Variants in DCP1B observed in about 807,000 individuals in gnomAD.
DCP1B encodes the protein decapping mRNA 1B.
DCP1B carries 47 observed loss-of-function variants against 60.5 expected under a neutral mutation model. The observed-to-expected ratio is 0.78, with a 90% confidence interval of 0.61 to 0.99. The LOEUF is 0.99. Ranked by LOEUF, DCP1B falls within the 50% of genes least tolerant of loss-of-function variation. The probability of loss-of-function intolerance (pLI) is 0.00; values close to 1 mark genes in which losing one functional copy is unlikely to be tolerated. For missense variants in DCP1B, 725 were observed against 756.8 expected (o/e 0.96, Z 0.49); for synonymous variants, 267 against 280.3 (o/e 0.95, Z 0.47).
At chr12:1,950,531 G>A (rs2030628928) in intron 7 of DCP1B, among the ~76,000 whole-genome samples, 1 of 152,200 alleles carries the variant, frequency 6.6e-6, no homozygotes, top group Non-Finnish European at 1.5e-5. Context: ...TATAAATATT[G>A]TTTCTATAGC....
intron 8 of DCP1B, 84 bp downstream of exon 8, chr12:1,949,002 C>A: frequency 6.5e-7 from 1 of 1,543,202 alleles, no homozygotes. Flanking sequence ...CTAAGCAGGC[C>A]TTGGCTGAGT....
At chr12:1,953,335 T>A in intron 6 of DCP1B, 47 bp from the exon 7 acceptor site, 1 of 1,510,920 alleles carries the variant, frequency 6.6e-7, no homozygotes, top group Non-Finnish European at 8.8e-7. Flanking sequence ...ACAATTTGGT[T>A]ATATGAGGAA....
chr12:1,946,688 G>GT (rs1028839398), intron 8 of DCP1B, among the ~76,000 whole-genome samples: 1 of 152,140 alleles, frequency 6.6e-6, no homozygotes, highest in African/African-American at 2.4e-5. Context: ...GCTGTGGTGT[G>GT]TTTTTTTGTT....
intron 5 of DCP1B, among the ~76,000 whole-genome samples, chr12:1,958,651 C>T (rs918016727): frequency 3.4e-5 from 5 of 147,254 alleles, no homozygotes; most frequent in Non-Finnish European, 6.0e-5. Context: ...AGCTCCCCAA[C>T]GTCGCTCTGG....
chr12:1,991,022 A>G lies in DCP1B; in HGVS notation c.319+2242T>C, dbSNP rs2039267318. ...AAGGCAAAATGAATCCAGAAAAGTA[A>G]ATAGATCCATTCCCTTTCACTCTTT... On this transcript the variant is annotated intron_variant, in intron 3 of 8. Transcript: ENST00000280665. The G allele has an allele frequency of 9.4e-6, 4 of 424,458 alleles. No individual in the cohort carries two copies. The Admixed American group carries it at 1.2e-4, about 12-fold the overall frequency. 26.3% of individuals were successfully genotyped at this position (424,458 alleles called of 1,614,324 possible). A position where few individuals can be genotyped will look rare whatever the true frequency, so the allele number is the denominator to read the frequency against.
In DCP1B at chr12:1,958,220, C is replaced by G. The variant is rs529995470; in HGVS notation, c.523-2660G>C. Among the ~76,000 whole-genome samples, 3 of 149,090 alleles carry G rather than the reference C, an allele frequency of 2.0e-5. No individual in the cohort carries two copies. In the South Asian group the frequency reaches 6.5e-4, roughly 32 times the overall value. On this transcript the variant is annotated intron_variant, in intron 5 of 8. Transcript: ENST00000280665. ...ACGTTGCTCTGGGCAATGACTTTTT[C>G]TATAAACCTCCTGGAAGGAAACAGG... is the stretch of plus-strand genomic sequence containing the variant.
intron 2 of DCP1B, among the ~76,000 whole-genome samples, chr12:1,996,754 C>T (rs913913337): frequency 6.7e-6 from 1 of 149,374 alleles, no homozygotes; most frequent in African/African-American, 2.5e-5. Context: ...GTGGGTTGGA[C>T]AAGCTTGCGA....
At chr12:1,950,510 G>A in intron 7 of DCP1B, 1 of 668,110 alleles carries the variant, frequency 1.5e-6, no homozygotes. Flanking sequence ...GAAATGAGGG[G>A]GAGTGGGAGT....
chr12:1,998,094 C>T, intron 1 of DCP1B, 119 bp from the exon 2 acceptor site: 7 of 755,984 alleles, frequency 9.3e-6, no homozygotes, highest in Non-Finnish European at 1.4e-5. Flanking sequence ...ATATACCCAA[C>T]ATGAGGAGTT....
chr12:1,998,060 T>C, intron 1 of DCP1B, 85 bp from the exon 2 acceptor site: 1 of 1,278,018 alleles, frequency 7.8e-7, no homozygotes. Flanking sequence ...AGAATAGGAA[T>C]TATATATAAC....
At chr12:1,985,884 C>G (rs1443761679) in intron 3 of DCP1B, among the ~76,000 whole-genome samples, 4 of 152,118 alleles carry the variant, frequency 2.6e-5, no homozygotes, top group Non-Finnish European at 5.9e-5. Context: ...GATCTTGGCT[C>G]ACTGCAAGCT....
At chr12:1,950,055 C>A (rs2030604508) in intron 7 of DCP1B, 1 of 462,010 alleles carries the variant, frequency 2.2e-6, no homozygotes, top group African/African-American at 1.9e-5. Context: ...CTGACTCCTA[C>A]AGCTATCATT....
At chr12:1,964,343 C>G (rs963118380) in intron 5 of DCP1B, among the ~76,000 whole-genome samples, 1 of 152,034 alleles carries the variant, frequency 6.6e-6, no homozygotes, top group African/African-American at 2.4e-5. Flanking sequence ...CATAAAATAA[C>G]CTTCCTGTCA....
Position 1,962,131 on chromosome 12 carries a change from A to C in DCP1B, c.522+3427T>G, listed in dbSNP as rs2031148101. On this transcript the variant is annotated intron_variant, in intron 5 of 8. Transcript: ENST00000280665. This position sits in a 1 kb window ranked among gnomAD's most constrained non-coding sequence, Gnocchi z 4.4. Reference sequence around the variant, plus strand: ...AAGGCAGGGCATGGTAAACAGGTTAAGATTGGCCAGTTTGAATAACTCCAG... The same window carrying C: ...AAGGCAGGGCATGGTAAACAGGTTACGATTGGCCAGTTTGAATAACTCCAG... Among the ~76,000 whole-genome samples, 1 of 152,214 alleles carries C rather than the reference A, an allele frequency of 6.6e-6. No homozygotes were observed. The highest frequency in any genetic ancestry group is 2.1e-4 in the South Asian group (1 of 4,828).
At chr12:1,983,995 T>C (rs1407068942) in intron 3 of DCP1B, among the ~76,000 whole-genome samples, 3 of 152,092 alleles carry the variant, frequency 2.0e-5, no homozygotes, top group East Asian at 3.8e-4. Context: ...TTTTTATCCC[T>C]GGTAATTTTC....
intron 1 of DCP1B, among the ~76,000 whole-genome samples, chr12:2,001,052 A>G (rs77325964): frequency 3.3e-5 from 5 of 151,772 alleles, no homozygotes; most frequent in South Asian, 2.1e-4. Context: ...AAAAAAAAAA[A>G]AGAGAGATAA....
intron 5 of DCP1B, among the ~76,000 whole-genome samples, chr12:1,965,306 G>T (rs1052119793): frequency 6.6e-6 from 1 of 152,082 alleles, no homozygotes; most frequent in Non-Finnish European, 1.5e-5. Flanking sequence ...GTATATGAAG[G>T]TTATTGTATA....
downstream of DCP1B, among the ~76,000 whole-genome samples, chr12:1,945,529 G>T (rs1003215252): frequency 6.6e-6 from 1 of 152,208 alleles, no homozygotes; most frequent in African/African-American, 2.4e-5. Flanking sequence ...CCAAAGGATT[G>T]TAACTCTACT....
chr12:1,978,302 C>T (rs968884204), intron 3 of DCP1B, among the ~76,000 whole-genome samples: 1 of 152,122 alleles, frequency 6.6e-6, no homozygotes, highest in Non-Finnish European at 1.5e-5. Flanking sequence ...GTTTAAAGTA[C>T]TGAAGATGTG....
Sources: allele counts gnomAD v4.1 joint callset (sites outside exome capture counted in the v4.1 genomes callset), GRCh38; gene constraint gnomAD v4.1.1; non-coding constraint Gnocchi (gnomAD v3.1); transcripts MANE v1.5; gene names NCBI Gene and HGNC (gene_info 2026-07-23, HGNC 2026-07-21).